Variants in WARS2 observed in about 807,000 individuals in gnomAD.
The protein encoded by WARS2 is tryptophanyl tRNA synthetase 2, mitochondrial.
In WARS2, 28 loss-of-function variants were observed where a neutral mutation model predicts 36.5. The observed-to-expected ratio is 0.77, with a 90% CI of 0.57 to 1.05. The LOEUF (loss-of-function observed/expected upper bound fraction) is 1.05. Ranked by LOEUF, WARS2 falls within the 50% of genes least tolerant of loss-of-function variation. The probability of loss-of-function intolerance (pLI) is 0.00; values close to 1 mark genes in which losing one functional copy is unlikely to be tolerated. For synonymous variants in WARS2, 174 were observed against 178.4 expected (o/e 0.98, Z 0.20); for missense variants, 435 against 456.8 (o/e 0.95, Z 0.44).
chr1:119,062,618 G>A (rs1650480335), intron 2 of WARS2, among the ~76,000 whole-genome samples: 1 of 152,168 alleles, frequency 6.6e-6, no homozygotes, highest in Non-Finnish European at 1.5e-5. Flanking sequence ...CGTGTTGTGG[G>A]AGGGACCCAA....
chr1:119,042,227 T>C (rs1275867561), intron 4 of WARS2, 37 bp downstream of exon 4: 16 of 1,588,590 alleles, frequency 1.0e-5, no homozygotes, highest in Non-Finnish European at 1.4e-5. Flanking sequence ...CTTGTCACCA[T>C]GAGTATGTAT....
intron 1 of WARS2, among the ~76,000 whole-genome samples, chr1:119,086,699 G>A (rs1322136622): frequency 2.6e-5 from 4 of 152,104 alleles, no homozygotes; most frequent in Non-Finnish European, 5.9e-5. Flanking sequence ...GGAATATACA[G>A]GAGAAGAAAG....
chr1:119,062,592 T>C (rs1650476839), intron 2 of WARS2, among the ~76,000 whole-genome samples: 1 of 152,210 alleles, frequency 6.6e-6, no homozygotes, highest in African/African-American at 2.4e-5. Context: ...TTGAATTGTA[T>C]CTCGCAGAAT....
intron 2 of WARS2, among the ~76,000 whole-genome samples, chr1:119,058,057 C>G (rs1649989983): frequency 6.6e-6 from 1 of 152,000 alleles, no homozygotes; most frequent in South Asian, 2.1e-4. Context: ...AAAATTTTCC[C>G]CATATTTTCT....
rs753664007 is a variant in WARS2, at chr1:119,140,626, G to T, written c.19C>A (p.Arg7=). ...AAGCTCCAGCGCTCACGCGCTTTCC[G>T]CATTGAGTGCAGCGCCATCTTGAGA... is the stretch of plus-strand genomic sequence containing the variant. The part of the protein sequence containing the change: MALHSM[R]KARERWSFIR... Residue 7 remains arginine, a synonymous_variant, in exon 1 of 6, where the codon CGG becomes AGG. Coordinates refer to ENST00000235521, the MANE Select transcript of WARS2 (RefSeq NM_015836.4). 1 of 1,613,642 alleles carries T rather than the reference G, an allele frequency of 6.2e-7. No individual in the cohort carries two copies. Among genetic ancestry groups the T allele is most frequent in the Non-Finnish European group, 8.5e-7 (1 of 1,179,726 alleles).
intron 4 of WARS2, among the ~76,000 whole-genome samples, chr1:119,036,669 A>G (rs1175023571): frequency 6.6e-6 from 1 of 152,254 alleles, no homozygotes; most frequent in Admixed American, 6.5e-5. Flanking sequence ...AAATGGTTCC[A>G]GATTCACAAA....
rs76901125 is a variant in WARS2, at chr1:119,061,827, C to T, written c.348+14523G>A. ...GAGACTCTGACTCTGGATCAACAAC[C>T]TAGGTCTGTATTTACCAGATAAAAC... On this transcript the variant is annotated intron_variant, in intron 2 of 5. Transcript: ENST00000235521. Among the ~76,000 whole-genome samples the T allele has an allele frequency of 7.4e-3, 1,125 of 152,116 alleles. 15 individuals carry two copies. Among genetic ancestry groups the T allele is most frequent in the African/African-American group, 0.026 (1,075 of 41,484 alleles).
chr1:119,039,824 C>T (rs531415872), intron 4 of WARS2, among the ~76,000 whole-genome samples: 7 of 151,874 alleles, frequency 4.6e-5, no homozygotes, highest in East Asian at 3.9e-4. Flanking sequence ...ATTTGGCTTG[C>T]GTCAAAATTT....
intron 2 of WARS2, among the ~76,000 whole-genome samples, chr1:119,066,741 T>C (rs2101251767): frequency 1.3e-5 from 2 of 152,234 alleles, no homozygotes; most frequent in Admixed American, 1.3e-4. Context: ...CCAAAAGTAA[T>C]ATGTCTAATA....
intron 1 of WARS2, among the ~76,000 whole-genome samples, chr1:119,083,785 A>C (rs950584061): frequency 6.6e-6 from 1 of 152,186 alleles, no homozygotes; most frequent in Admixed American, 6.5e-5. Context: ...CAATTATCTA[A>C]ACATGACATA....
At chr1:119,097,331 A>C (rs1469871790) in intron 1 of WARS2, among the ~76,000 whole-genome samples, 3 of 152,152 alleles carry the variant, frequency 2.0e-5, no homozygotes, top group African/African-American at 7.2e-5. Context: ...GACAATTTTA[A>C]CTTTTTCCTG....
chr1:119,095,672 C>T (rs920082706), intron 1 of WARS2, among the ~76,000 whole-genome samples: 2 of 152,122 alleles, frequency 1.3e-5, no homozygotes, highest in African/African-American at 4.8e-5. Flanking sequence ...ACCTCGTGAT[C>T]CACCTGCCTC....
intron 1 of WARS2, among the ~76,000 whole-genome samples, chr1:119,128,334 G>C (rs1655829470): frequency 1.3e-5 from 2 of 152,030 alleles, no homozygotes; most frequent in African/African-American, 4.8e-5. Flanking sequence ...GCCTCCCAAA[G>C]TGCTGGGATT....
intron 2 of WARS2, among the ~76,000 whole-genome samples, chr1:119,059,391 C>T (rs1051908093): frequency 3.2e-4 from 48 of 152,166 alleles, no homozygotes; most frequent in Non-Finnish European, 5.3e-4. Flanking sequence ...ATTCCTATGT[C>T]CTGAATGGTA....
chr1:119,047,697 AG>A, intron 2 of WARS2, among the ~76,000 whole-genome samples: 1 of 152,356 alleles, frequency 6.6e-6, no homozygotes, highest in Middle Eastern at 3.4e-3. Flanking sequence ...TTGCATGGAA[AG>A]GTTCAGAGTT....
chr1:119,041,546 C>A (rs1648368936), intron 4 of WARS2, among the ~76,000 whole-genome samples: 1 of 152,278 alleles, frequency 6.6e-6, no homozygotes, highest in African/African-American at 2.4e-5. Context: ...AGGTCTAATA[C>A]AGTGGTTATT....
At chr1:119,060,959 G>A (rs1185972515) in intron 2 of WARS2, among the ~76,000 whole-genome samples, 4 of 151,944 alleles carry the variant, frequency 2.6e-5, no homozygotes, top group Non-Finnish European at 4.4e-5. Context: ...CCACATGCAC[G>A]GGGCCACCTC....
chr1:119,083,158 GGCAGAGGTT>G (rs1652339092), intron 1 of WARS2, among the ~76,000 whole-genome samples: 1 of 152,200 alleles, frequency 6.6e-6, no homozygotes, highest in African/African-American at 2.4e-5. Flanking sequence ...GAACCCGGGA[GGCAGAGGTT>G]GCAGTGAGAT....
chr1:119,080,971 G>A (rs1161417549), intron 1 of WARS2, among the ~76,000 whole-genome samples: 1 of 152,094 alleles, frequency 6.6e-6, no homozygotes, highest in African/African-American at 2.4e-5. Context: ...TTAGAAAGTA[G>A]GTCTTCATTT....
Sources: allele counts gnomAD v4.1 joint callset (sites outside exome capture counted in the v4.1 genomes callset), GRCh38; gene constraint gnomAD v4.1.1; transcripts MANE v1.5; gene names NCBI Gene and HGNC (gene_info 2026-07-23, HGNC 2026-07-21).